Variants in DEUP1 observed in about 807,000 individuals in gnomAD.
The protein encoded by DEUP1 is coiled-coil domain containing 67.
DEUP1 carries 82 observed loss-of-function variants against 87.4 expected under a neutral mutation model. The observed-to-expected ratio is 0.94, with a 90% CI of 0.78 to 1.13. The LOEUF (loss-of-function observed/expected upper bound fraction) is 1.13, where lower values mean the gene tolerates loss of function less well. Ranked by LOEUF, DEUP1 falls within the 50% of genes most tolerant of loss-of-function variation. The pLI is 0.00. For missense variants in DEUP1, 663 were observed against 681.5 expected (o/e 0.97, Z 0.30); for synonymous variants, 214 against 222.7 (o/e 0.96, Z 0.35).
At chr11:93,365,175 C>G (rs1945353194) in intron 5 of DEUP1, among the ~76,000 whole-genome samples, 1 of 152,024 alleles carries the variant, frequency 6.6e-6, no homozygotes, top group African/African-American at 2.4e-5. Context: ...TTAAAAAGTC[C>G]TTCTACTTTA....
chr11:93,435,762 C>T (rs565220539), intron 13 of DEUP1, among the ~76,000 whole-genome samples: 15 of 152,128 alleles, frequency 9.9e-5, no homozygotes, highest in Admixed American at 2.6e-4. Context: ...TTTGGGAGGC[C>T]GAGGAGGGCA....
chr11:93,362,552 A>G (rs1945224369), intron 4 of DEUP1, among the ~76,000 whole-genome samples: 1 of 151,910 alleles, frequency 6.6e-6, no homozygotes, highest in African/African-American at 2.4e-5. Context: ...AGAAAATAAC[A>G]AGTGTTGGAG....
chr11:93,353,782 T>C (rs1466387830), intron 2 of DEUP1, among the ~76,000 whole-genome samples: 1 of 152,112 alleles, frequency 6.6e-6, no homozygotes, highest in Non-Finnish European at 1.5e-5. Flanking sequence ...GCTGGAGCAG[T>C]TGGAACACAG....
intron 11 of DEUP1, among the ~76,000 whole-genome samples, chr11:93,402,968 T>C (rs1274256783): frequency 6.6e-6 from 1 of 151,948 alleles, no homozygotes; most frequent in Admixed American, 6.6e-5. Context: ...CATATATGTA[T>C]GATCTATTAT....
chr11:93,374,531 C>T (rs1172183822), intron 7 of DEUP1, among the ~76,000 whole-genome samples: 1 of 152,098 alleles, frequency 6.6e-6, no homozygotes, highest in African/African-American at 2.4e-5. Flanking sequence ...ATTTGTTGAA[C>T]AGGGTGTTCT....
rs140497901 is a variant in DEUP1, at chr11:93,378,924, C to G, written c.790-6474C>G. Among the ~76,000 whole-genome samples, 8 of 151,776 alleles carry G rather than the reference C, an allele frequency of 5.3e-5. No individual in the cohort carries two copies. In the East Asian group the frequency reaches 1.5e-3, roughly 29 times the overall value. On this transcript the variant is annotated intron_variant, in intron 7 of 13. Coordinates refer to ENST00000298050, the MANE Select transcript of DEUP1 (RefSeq NM_181645.4). The stretch of plus-strand genomic sequence containing the variant: ...GGGAGCTGCAAGTTAGTCCTGCCTC[C>G]CATCTGCCATTTTTCCCTGCTTTTT...
intron 7 of DEUP1, among the ~76,000 whole-genome samples, chr11:93,383,854 T>A (rs1946415452): frequency 6.6e-6 from 1 of 152,198 alleles, no homozygotes. Flanking sequence ...TCATCCTGAA[T>A]GTTCTAATTG....
At chr11:93,415,684 G>A (rs1051044648) in intron 13 of DEUP1, among the ~76,000 whole-genome samples, 3 of 151,624 alleles carry the variant, frequency 2.0e-5, no homozygotes, top group South Asian at 2.1e-4. Flanking sequence ...TAGCATTATC[G>A]ATTTGTTTTG....
rs17560177 is a variant in DEUP1, at chr11:93,430,773, A to G, written c.1639-6770A>G. ...CTCAAAAACAAACAAGAGGAGAAAAATTAATGATTGGAAATAAATGAACAA... is the reference window on the plus strand; with the variant it reads ...CTCAAAAACAAACAAGAGGAGAAAAGTTAATGATTGGAAATAAATGAACAA... On this transcript the variant is annotated intron_variant, in intron 13 of 13. Transcript: ENST00000298050. Among the ~76,000 whole-genome samples, 749 of 152,296 alleles carry G rather than the reference A, an allele frequency of 4.9e-3. 4 individuals carry two copies. Among genetic ancestry groups the G allele is most frequent in the East Asian group, 0.01 (54 of 5,176 alleles).
At chr11:93,406,803 T>G (rs949337210) in intron 11 of DEUP1, among the ~76,000 whole-genome samples, 29 of 151,746 alleles carry the variant, frequency 1.9e-4, no homozygotes, top group Non-Finnish European at 4.1e-4. Context: ...GAAAATAAGC[T>G]AAGGATACAA....
At chr11:93,393,334 TTTTTGAGACAGGG>T (rs1946833175) in intron 9 of DEUP1, among the ~76,000 whole-genome samples, 1 of 152,004 alleles carries the variant, frequency 6.6e-6, no homozygotes, top group Non-Finnish European at 1.5e-5. Flanking sequence ...TTATTTTTAT[TTTTTGAGACAGGG>T]TTTTGAGACA....
chr11:93,339,281 C>T (rs113393785), intron 2 of DEUP1, among the ~76,000 whole-genome samples: 211 of 152,244 alleles, frequency 1.4e-3, no homozygotes, highest in African/African-American at 2.9e-3. Context: ...CCCATAGTGC[C>T]GTGGAGTAAC....
intron 9 of DEUP1, among the ~76,000 whole-genome samples, chr11:93,390,479 A>G (rs916854258): frequency 6.6e-6 from 1 of 152,216 alleles, no homozygotes; most frequent in African/African-American, 2.4e-5. Context: ...GAACACTTTA[A>G]TGCCATATAA....
At chr11:93,365,877 A>T (rs145825275) in intron 5 of DEUP1, among the ~76,000 whole-genome samples, 117 of 152,292 alleles carry the variant, frequency 7.7e-4, no homozygotes, top group African/African-American at 2.8e-3. Context: ...AACCTGTTTT[A>T]CCTTTGAGGT....
At chr11:93,429,735 G>A (rs980065434) in intron 13 of DEUP1, among the ~76,000 whole-genome samples, 4 of 152,114 alleles carry the variant, frequency 2.6e-5, no homozygotes, top group African/African-American at 9.7e-5. Flanking sequence ...GTCAGCACTA[G>A]TAGGCACATA....
chr11:93,397,262 C>T (rs999466436), intron 11 of DEUP1, among the ~76,000 whole-genome samples: 1 of 152,092 alleles, frequency 6.6e-6, no homozygotes, highest in Non-Finnish European at 1.5e-5. Flanking sequence ...ATTCTAGCAT[C>T]AAAAGAGTGC....
chr11:93,371,341 T>C (rs1466523600), intron 7 of DEUP1, 61 bp downstream of exon 7: 3 of 1,482,808 alleles, frequency 2.0e-6, no homozygotes, highest in South Asian at 1.3e-5. Flanking sequence ...GTAACACATA[T>C]AGAGATTAGA....
intron 4 of DEUP1, among the ~76,000 whole-genome samples, chr11:93,361,751 C>CA (rs1945187186): frequency 6.6e-6 from 1 of 151,586 alleles, no homozygotes; most frequent in East Asian, 1.9e-4. Flanking sequence ...AAACAGGAAA[C>CA]AAAAAAGGGC....
chr11:93,366,928 T>A (rs574314372), intron 5 of DEUP1, among the ~76,000 whole-genome samples: 24 of 152,338 alleles, frequency 1.6e-4, no homozygotes, highest in East Asian at 5.8e-4. Flanking sequence ...AGAAATTTTT[T>A]AAATCTAGAT....
Sources: gnomAD v4.1 joint callset for allele counts (sites outside exome capture counted in the v4.1 genomes callset) on GRCh38, gnomAD v4.1.1 for gene constraint, MANE v1.5 for transcripts, NCBI Gene and HGNC (gene_info 2026-07-23, HGNC 2026-07-21) for gene names.